The following TFEC variants were observed in gnomAD, a reference collection of about 807,000 sequenced individuals.
TFEC encodes the protein transcription factor EC, also known as class E basic helix-loop-helix protein 34.
In TFEC, 31 loss-of-function variants were observed where a neutral mutation model predicts 41.6. The ratio of observed to expected loss-of-function variants is 0.74; its 90% confidence interval spans 0.56 to 1.01. TFEC has a LOEUF of 1.01. TFEC is among the 50% of genes least tolerant of loss of function. The pLI is 0.00. For missense variants in TFEC, 402 were observed against 404.1 expected (o/e 0.99, Z 0.04); for synonymous variants, 143 against 140.6 (o/e 1.02, Z -0.12).
chr7:115,960,559 C>A (rs1246885723), intron 3 of TFEC, among the ~76,000 whole-genome samples: 1 of 151,552 alleles, frequency 6.6e-6, no homozygotes. Context: ...CAGATAATAT[C>A]AGCACAATTG....
At chr7:116,037,484 T>C (rs1171080328) in intron 3 of TFEC, among the ~76,000 whole-genome samples, 1 of 151,954 alleles carries the variant, frequency 6.6e-6, no homozygotes, top group African/African-American at 2.4e-5. Context: ...ACCTTTAGAG[T>C]TGTTAATATT....
At chr7:116,110,422 G>T (rs1797826563) in intron 3 of TFEC, among the ~76,000 whole-genome samples, 1 of 152,086 alleles carries the variant, frequency 6.6e-6, no homozygotes, top group Non-Finnish European at 1.5e-5. Flanking sequence ...AGTAGTAGTT[G>T]TATCATGACA....
At chr7:116,045,894 G>A (rs1342429001) in intron 3 of TFEC, among the ~76,000 whole-genome samples, 1 of 152,230 alleles carries the variant, frequency 6.6e-6, no homozygotes, top group Non-Finnish European at 1.5e-5. Flanking sequence ...GCATGACCTG[G>A]ATGTGAGACC....
At chr7:116,099,278 A>C (rs1797548300) in intron 3 of TFEC, among the ~76,000 whole-genome samples, 1 of 152,192 alleles carries the variant, frequency 6.6e-6, no homozygotes, top group Non-Finnish European at 1.5e-5. Context: ...GATTTACAGG[A>C]TTTAGCACAA....
chr7:115,999,827 CA>C, intron 1 of TFEC, among the ~76,000 whole-genome samples: 1 of 119,520 alleles, frequency 8.4e-6, no homozygotes, highest in Admixed American at 9.2e-5. Context: ...AGATCAAAGC[CA>C]TAATAAGTCT....
chr7:116,117,343 T>C (rs1158014783), intron 1 of TFEC: 6 of 151,862 alleles, frequency 4.0e-5, no homozygotes, highest in Non-Finnish European at 2.9e-5. Context: ...ATTACACAGC[T>C]GTTAGTAAGT....
chr7:116,058,651 A>C (rs1364944119), intron 3 of TFEC, among the ~76,000 whole-genome samples: 2 of 151,834 alleles, frequency 1.3e-5, no homozygotes, highest in Non-Finnish European at 3.0e-5. Flanking sequence ...CAATAAAACA[A>C]ATATTAATAA....
chr7:115,948,494 T>A (rs1242420594), intron 6 of TFEC, among the ~76,000 whole-genome samples: 1 of 152,122 alleles, frequency 6.6e-6, no homozygotes, highest in East Asian at 1.9e-4. Context: ...AAAAAGCGTA[T>A]CCACCATGAT....
intron 2 of TFEC, among the ~76,000 whole-genome samples, chr7:115,976,960 C>T (rs1393299551): frequency 2.0e-5 from 3 of 152,164 alleles, no homozygotes; most frequent in South Asian, 2.1e-4. Context: ...ACATGAGAAA[C>T]ATCCTCCTTT....
chr7:116,123,406 C>T (rs1357525230), intron 1 of TFEC, among the ~76,000 whole-genome samples: 1 of 152,022 alleles, frequency 6.6e-6, no homozygotes, highest in East Asian at 1.9e-4. Flanking sequence ...TTAATCTTTG[C>T]AATTAGCTAC....
At chr7:116,089,094 T>A (rs1389251349) in intron 3 of TFEC, among the ~76,000 whole-genome samples, 2 of 152,162 alleles carry the variant, frequency 1.3e-5, no homozygotes, top group Non-Finnish European at 2.9e-5. Flanking sequence ...ACTTAGCATG[T>A]ACTTGTTTAA....
In TFEC at chr7:116,102,246, G is replaced by T. The variant is rs1797621364; in HGVS notation, c.198+8462C>A. Among the ~76,000 whole-genome samples, 3 of 152,260 alleles carry T rather than the reference G, an allele frequency of 2.0e-5. No homozygotes were observed. In the South Asian group the frequency reaches 6.2e-4, roughly 32 times the overall value. ...CTTCCCAGCACTCAAAGCAAAATAG[G>T]TCAGTGGGAGGGTTAAGGATACACC... On this transcript the variant is annotated intron_variant, in intron 3 of 8. Transcript: ENST00000484212.
intron 6 of TFEC, among the ~76,000 whole-genome samples, chr7:115,946,873 T>A (rs1791608971): frequency 6.6e-6 from 1 of 151,296 alleles, no homozygotes; most frequent in Non-Finnish European, 1.5e-5. Flanking sequence ...CATTTCCGGA[T>A]AATGAATAAT....
Position 116,043,346 on chromosome 7 carries a change from C to T in TFEC, c.199-58833G>A, listed in dbSNP as rs528648489. Among the ~76,000 whole-genome samples, 641 of 151,814 alleles carry T rather than the reference C, an allele frequency of 4.2e-3. 3 individuals are homozygous for T. Among genetic ancestry groups the T allele is most frequent in the Middle Eastern group, 6.8e-3 (2 of 294 alleles). ...ACCAATATTTCATTAATAATAGATG[C>T]CTCACACTCTACAAACAGAAGACCA... On this transcript the variant is annotated intron_variant, in intron 3 of 8. Coordinates refer to the TFEC transcript ENST00000484212.
rs1795655112 is a variant in TFEC, at chr7:116,028,129, T to C, written c.-73+2504A>G. Among the ~76,000 whole-genome samples the C allele has an allele frequency of 2.0e-5, 3 of 152,332 alleles. No homozygotes were observed. In the South Asian group the frequency reaches 6.2e-4, roughly 32 times the overall value. ...TCAATTATACGAATTCTCCCAATTC[T>C]CCTAACATTTAACATAAACTACCTC... On this transcript the variant is annotated intron_variant, in intron 1 of 7. Coordinates refer to ENST00000265440, the MANE Select transcript of TFEC (RefSeq NM_012252.4).
chr7:115,979,269 T>A (rs1389858348), intron 2 of TFEC, among the ~76,000 whole-genome samples: 1 of 152,150 alleles, frequency 6.6e-6, no homozygotes, highest in Non-Finnish European at 1.5e-5. Flanking sequence ...TACTAGCCTC[T>A]CTGTAATTTG....
upstream of TFEC, among the ~76,000 whole-genome samples, chr7:116,031,182 T>TA (rs550177986): frequency 1.3e-3 from 205 of 152,244 alleles, no homozygotes; most frequent in African/African-American, 4.7e-3. Context: ...TTTAGAGCAT[T>TA]AATAGATTTT....
intron 1 of TFEC, among the ~76,000 whole-genome samples, chr7:116,118,231 T>C (rs564202820): frequency 4.6e-5 from 7 of 151,972 alleles, no homozygotes; most frequent in Non-Finnish European, 1.0e-4. Context: ...TCACTACTGA[T>C]GGTCAGTCTA....
At chr7:115,946,437 G>T (rs1292875858) in intron 6 of TFEC, among the ~76,000 whole-genome samples, 1 of 145,660 alleles carries the variant, frequency 6.9e-6, no homozygotes, top group Non-Finnish European at 1.5e-5. Context: ...GTGTGTGTGT[G>T]TAGGGTCTTA....
Sources: allele counts gnomAD v4.1 joint callset (sites outside exome capture counted in the v4.1 genomes callset), GRCh38; gene constraint gnomAD v4.1.1; transcripts MANE v1.5; gene names NCBI Gene and HGNC (gene_info 2026-07-23, HGNC 2026-07-21).